The following C10orf90 variants were observed in gnomAD, a reference collection of about 807,000 sequenced individuals.
The protein encoded by C10orf90 is chromosome 10 open reading frame 90, also known as (E2-independent) E3 ubiquitin-conjugating enzyme FATS.
Under a neutral mutation model 62.5 loss-of-function variants are expected in C10orf90, and 56 were observed. That is an observed-to-expected ratio of 0.90 (90% CI 0.72 to 1.12). The LOEUF (loss-of-function observed/expected upper bound fraction) is 1.12, where lower values mean the gene tolerates loss of function less well. Among genes scored for constraint, C10orf90 ranks in the 50% most tolerant of loss-of-function variants. The pLI is 0.00. For missense variants in C10orf90, 970 were observed against 880.4 expected (o/e 1.10, Z -1.29); for synonymous variants, 386 against 340.4 (o/e 1.13, Z -1.47).
At chr10:126,450,752 A>G (rs929897081) in intron 7 of C10orf90, among the ~76,000 whole-genome samples, 1 of 152,238 alleles carries the variant, frequency 6.6e-6, no homozygotes, top group African/African-American at 2.4e-5. Flanking sequence ...AGAAGAAAAC[A>G]GAGGAAAAGC....
chr10:126,501,462 C>T (rs1397092747), intron 4 of C10orf90, among the ~76,000 whole-genome samples: 1 of 152,194 alleles, frequency 6.6e-6, no homozygotes, highest in Non-Finnish European at 1.5e-5. Flanking sequence ...CACCCCAGGG[C>T]TCTGTGGCTT....
At chr10:126,629,677 G>A (rs114047790) in intron 2 of C10orf90, among the ~76,000 whole-genome samples, 3,628 of 152,318 alleles carry the variant, frequency 0.024, 63 homozygotes, top group African/African-American at 0.054. Context: ...CAAGGGATGA[G>A]TAGCCATTTG....
intron 2 of C10orf90, among the ~76,000 whole-genome samples, chr10:126,580,354 C>T (rs1031806762): frequency 1.4e-4 from 21 of 152,114 alleles, no homozygotes; most frequent in Non-Finnish European, 2.6e-4. Flanking sequence ...ACCACAAAAA[C>T]GTTTAAAAAG....
At position 126,461,491 on chromosome 10, in the gene C10orf90, C is replaced by A. The variant is rs61746086; in HGVS notation, c.1920G>T (p.Ser640=). Residue 640 remains serine, a synonymous_variant, in exon 6 of 10, where the codon TCG becomes TCT. Transcript: ENST00000488181. ...TTPEPSPAAP[S]PAPRDGAGSP... ...TCCCTGCTCCATCGCGGGGTGCTGG[C>A]GAGGGTGCTGCTGGGGAGGGCTCAG... The A allele has an allele frequency of 1.5e-3, 2,374 of 1,613,968 alleles. 42 individuals carry two copies. In the African/African-American group the frequency reaches 0.026, roughly 18 times the overall value.
chr10:126,615,792 A>G (rs1845529200), intron 2 of C10orf90, among the ~76,000 whole-genome samples: 1 of 152,196 alleles, frequency 6.6e-6, no homozygotes, highest in African/African-American at 2.4e-5. Flanking sequence ...ATGGGAGTAG[A>G]GAGACACAGA....
chr10:126,442,633 G>GTGTTTATATA (rs1160734939), intron 7 of C10orf90, among the ~76,000 whole-genome samples: 3 of 88,458 alleles, frequency 3.4e-5, no homozygotes, highest in Admixed American at 1.2e-4. Context: ...TTGTGTGTGT[G>GTGTTTATATA]TATATATATA....
intron 8 of C10orf90, among the ~76,000 whole-genome samples, chr10:126,426,608 A>T (rs1182541335): frequency 3.9e-5 from 6 of 152,128 alleles, no homozygotes; most frequent in Non-Finnish European, 7.4e-5. Flanking sequence ...CTCTCAACCT[A>T]TTGCACTTTG....
chr10:126,618,662 GA>G (rs11374938), intron 2 of C10orf90, among the ~76,000 whole-genome samples: 6 of 150,026 alleles, frequency 4.0e-5, no homozygotes, highest in East Asian at 1.9e-4. Context: ...TTCATATATA[GA>G]AAAAAAAACA....
intron 2 of C10orf90, among the ~76,000 whole-genome samples, chr10:126,565,201 TATTATGTAATATAATTTTTATATTAC>T (rs1844327932): frequency 3.3e-5 from 2 of 60,726 alleles, no homozygotes; most frequent in Non-Finnish European, 5.9e-5. Context: ...TTATATTACA[TATTATGTAATATAATTTTTATATTAC>T]ATATTATGTA....
In C10orf90 at chr10:126,446,450, GT is replaced by G. The variant is rs1262663205; in HGVS notation, c.2188+12589del. Among the ~76,000 whole-genome samples, 39 of 152,046 alleles carry G rather than the reference GT, an allele frequency of 2.6e-4. 1 individual carries two copies. Among genetic ancestry groups the G allele is most frequent in the Non-Finnish European group, 4.4e-5 (3 of 68,006 alleles). On this transcript the variant is annotated intron_variant, in intron 7 of 9. Transcript: ENST00000488181. ...CTATCAGCTGATTTCTCAGCAGAAAGTTTTCAGGCCTGAAAAGAGTGGGATG... is the reference window on the plus strand; with the variant it reads ...CTATCAGCTGATTTCTCAGCAGAAAGTTTCAGGCCTGAAAAGAGTGGGATG...
At chr10:126,450,681 TA>T (rs1244222038) in intron 7 of C10orf90, among the ~76,000 whole-genome samples, 1 of 152,150 alleles carries the variant, frequency 6.6e-6, no homozygotes, top group Non-Finnish European at 1.5e-5. Flanking sequence ...ACACCATATT[TA>T]AAAATGAACT....
At chr10:126,608,819 T>A (rs1158486801) in intron 2 of C10orf90, among the ~76,000 whole-genome samples, 1 of 152,248 alleles carries the variant, frequency 6.6e-6, no homozygotes, top group African/African-American at 2.4e-5. Context: ...CAACATTTAA[T>A]GGATTTACTA....
At chr10:126,474,880 G>A (rs895151476) in intron 4 of C10orf90, among the ~76,000 whole-genome samples, 2 of 152,168 alleles carry the variant, frequency 1.3e-5, no homozygotes, top group African/African-American at 2.4e-5. Context: ...CAACATCATC[G>A]GCTCATTTGC....
At chr10:126,427,825 G>A (rs964314525) in intron 8 of C10orf90, among the ~76,000 whole-genome samples, 6 of 152,158 alleles carry the variant, frequency 3.9e-5, no homozygotes, top group African/African-American at 1.4e-4. Context: ...TCCCCAGCTT[G>A]CGTATCATGG....
chr10:126,655,725 A>G (rs988098325), intron 1 of C10orf90, among the ~76,000 whole-genome samples: 2 of 152,028 alleles, frequency 1.3e-5, no homozygotes, highest in African/African-American at 4.8e-5. Context: ...AGTTACTCTG[A>G]CTTTGGAACA....
At chr10:126,546,340 C>T (rs556931795) in intron 2 of C10orf90, among the ~76,000 whole-genome samples, 2 of 152,336 alleles carry the variant, frequency 1.3e-5, no homozygotes, top group African/African-American at 4.8e-5. Context: ...CCAGGCTGAG[C>T]GGGAGCCAGA....
chr10:126,589,357 AC>A (rs941388826), intron 2 of C10orf90, among the ~76,000 whole-genome samples: 8 of 152,200 alleles, frequency 5.3e-5, no homozygotes, highest in Admixed American at 5.2e-4. Flanking sequence ...AATCCAGACA[AC>A]CCCACTAAGA....
rs554218804 is a variant in C10orf90 at position 126,476,963 on chromosome 10, G to A, written c.1535-11977C>T. Among the ~76,000 whole-genome samples the A allele has an allele frequency of 4.7e-3, 679 of 145,260 alleles. 5 individuals carry two copies. The highest frequency in any genetic ancestry group is 0.017 in the African/African-American group (660 of 38,828). Reference sequence around the variant, plus strand: ...CTCGCTCTGTCGCCCAGGCTGGAGTGCAGTGGCATGATCTCGGCTCACTGC... The same window carrying A: ...CTCGCTCTGTCGCCCAGGCTGGAGTACAGTGGCATGATCTCGGCTCACTGC... On this transcript the variant is annotated intron_variant, in intron 4 of 9. Coordinates refer to ENST00000488181, the MANE Select transcript of C10orf90 (RefSeq NM_001350921.2).
At chr10:126,556,281 G>C (rs1354810433) in intron 2 of C10orf90, among the ~76,000 whole-genome samples, 2 of 152,184 alleles carry the variant, frequency 1.3e-5, no homozygotes, top group Admixed American at 1.3e-4. Context: ...ACTACAGAGG[G>C]ACAAGGATGC....
Sources: allele counts gnomAD v4.1 joint callset (sites outside exome capture counted in the v4.1 genomes callset), GRCh38; gene constraint gnomAD v4.1.1; transcripts MANE v1.5; gene names NCBI Gene and HGNC (gene_info 2026-07-23, HGNC 2026-07-21).